BDP1: variants seen among roughly 807,000 people sequenced by gnomAD.
The protein encoded by BDP1 is BDP1 general transcription factor IIIB subunit.
Under a neutral mutation model 266.6 loss-of-function variants are expected in BDP1, and 169 were observed. The observed-to-expected ratio is 0.63, with a 90% confidence interval of 0.56 to 0.72. BDP1 has a LOEUF of 0.72. Among genes scored for constraint, BDP1 ranks in the 30% least tolerant of loss-of-function variants. BDP1 has a pLI of 0.00. For synonymous variants in BDP1, 1,090 were observed against 1,022.4 expected (o/e 1.07, Z -1.26); for missense variants, 3,015 against 3,053.8 (o/e 0.99, Z 0.30).
chr5:71,528,072 G>A (rs1766022933), intron 25 of BDP1, among the ~76,000 whole-genome samples: 1 of 151,908 alleles, frequency 6.6e-6, no homozygotes, highest in African/African-American at 2.4e-5. Context: ...CCATCTGCCT[G>A]GGCCTCCCAA....
At chr5:71,555,929 A>G (rs1743186996) in intron 35 of BDP1, among the ~76,000 whole-genome samples, 1 of 151,982 alleles carries the variant, frequency 6.6e-6, no homozygotes, top group African/African-American at 2.4e-5. Context: ...TTTGAATCAT[A>G]TTAACTTAGA....
chr5:71,529,019 G>A (rs1027423274), intron 25 of BDP1, among the ~76,000 whole-genome samples: 43 of 152,214 alleles, frequency 2.8e-4, no homozygotes, highest in African/African-American at 1.0e-3. Context: ...TAATTGACAA[G>A]GCTTTCCTTA....
Position 71,566,427 on chromosome 5 carries a change from T to G in BDP1, c.*1542T>G, listed in dbSNP as rs1744038118. ...TTTGTTTTAATTTCAAGATTTGATT[T>G]TTTATACGTGTAATTCTATTATCTA... is the stretch of plus-strand genomic sequence containing the variant. On this transcript the variant is annotated 3_prime_UTR_variant, in exon 39 of 39. Transcript: ENST00000358731. 1 of 152,248 alleles carries G rather than the reference T, an allele frequency of 6.6e-6. No individual in the cohort carries two copies. The highest frequency in any genetic ancestry group is 2.4e-5 in the African/African-American group (1 of 41,464). The allele number at this position is 152,248 out of a possible 1,614,324, so 9.4% of individuals were successfully genotyped here.
At chr5:71,519,243 A>C (rs148722416) in intron 22 of BDP1, among the ~76,000 whole-genome samples, 1 of 152,172 alleles carries the variant, frequency 6.6e-6, no homozygotes, top group Non-Finnish European at 1.5e-5. Flanking sequence ...ATTTTGATAC[A>C]TTATACACAA....
chr5:71,497,383 A>G lies in BDP1; in HGVS notation c.1913A>G (p.Glu638Gly). ...KKSVLSQGKTESESKNSHSKT... is the reference protein window; with the variant it reads ...KKSVLSQGKTGSESKNSHSKT... The stretch of plus-strand genomic sequence containing the variant: ...TCAGTTCTTTCACAAGGCAAAACAG[A>G]GTCAGAGAGCAAGAATTCACATTCA... The change falls in exon 13 of 39, where the codon GAG becomes GGG. Residue 638 changes from glutamate (E) to glycine (G), a missense_variant. Physicochemically the swap from Glu to Gly is moderately conservative, Grantham distance 98. This residue lies in a region of BDP1 where 2,383 missense variants were observed against 2,404.9 expected (regional missense o/e 0.99). Transcript: ENST00000358731. 1 of 1,613,546 alleles carries G rather than the reference A, an allele frequency of 6.2e-7. No homozygotes were observed. Among genetic ancestry groups the G allele is most frequent in the Non-Finnish European group, 8.5e-7 (1 of 1,179,800 alleles).
At chr5:71,513,054 C>A (rs1158176481) in intron 18 of BDP1, 131 bp from the exon 19 acceptor site, 2 of 601,524 alleles carry the variant, frequency 3.3e-6, no homozygotes, top group East Asian at 2.9e-5. Flanking sequence ...TAGAACAAGA[C>A]CCTGTCTCCA....
Position 71,524,156 on chromosome 5 carries a change from C to A in BDP1, c.5605C>A (p.Arg1869=). The change falls in exon 25 of 39, where the codon CGG becomes AGG. Residue 1869 remains arginine (R), a synonymous_variant. Transcript: ENST00000358731. ...RASKAMLVTL[R]ASQEEDDDAD... is the part of the protein sequence containing the mutation. ...TTCCAAGGCCATGCTGGTGACTCTT[C>A]GGGCTTCCCAGGAAGAAGATGATGA... 1 of 1,614,148 alleles carries A rather than the reference C, an allele frequency of 6.2e-7. No homozygotes were observed. Among genetic ancestry groups the A allele is most frequent in the South Asian group, 1.1e-5 (1 of 91,086 alleles).
rs1198191823 is a variant in BDP1, at chr5:71,456,076, G to T, written c.199G>T (p.Ala67Ser). The change falls in exon 1 of 39, where the codon GCT (alanine) becomes TCT (serine). Residue 67 changes from alanine (A) to serine (S), a missense_variant. By Grantham distance (99) the Ala-to-Ser change is moderately conservative. Transcript: ENST00000358731. ...DFGGAEPQEK[A>S]PRSSTEKTGG... ...CGGTGGAGCGGAGCCCCAAGAAAAG[G>T]CTCCTAGGAGCAGGTAAGAGGTTGC... 1 of 1,613,034 alleles carries T rather than the reference G, an allele frequency of 6.2e-7. No homozygotes were observed. Among genetic ancestry groups the T allele is most frequent in the East Asian group, 2.2e-5 (1 of 44,880 alleles).
chr5:71,458,483 G>T, intron 1 of BDP1, 96 bp from the exon 2 acceptor site: 2 of 844,044 alleles, frequency 2.4e-6, no homozygotes, highest in Non-Finnish European at 3.5e-6. Context: ...TTAATTACGA[G>T]ATTGCAGTTT....
intron 1 of BDP1, among the ~76,000 whole-genome samples, chr5:71,457,069 T>A (rs1163362850): frequency 6.6e-6 from 1 of 152,194 alleles, no homozygotes; most frequent in Non-Finnish European, 1.5e-5. Flanking sequence ...TCAAAATTTC[T>A]ACACAGAAAG....
chr5:71,514,095 A>T (rs925891125), intron 19 of BDP1, among the ~76,000 whole-genome samples: 6 of 152,144 alleles, frequency 3.9e-5, no homozygotes, highest in African/African-American at 1.4e-4. Flanking sequence ...GTTAAAGGTG[A>T]TATTTTATTT....
chr5:71,571,603 C>T (rs1326973027), downstream of BDP1, among the ~76,000 whole-genome samples: 1 of 150,372 alleles, frequency 6.7e-6, no homozygotes, highest in African/African-American at 2.4e-5. Context: ...ACACGGATTG[C>T]TGGGCCCCAA....
chr5:71,562,684 A>G (rs1743761538), intron 38 of BDP1, 164 bp downstream of exon 38: 1 of 1,486,690 alleles, frequency 6.7e-7, no homozygotes, highest in African/African-American at 1.4e-5. Context: ...GGAAGAAGAA[A>G]AGGTGTTGAG....
Position 71,560,204 on chromosome 5 carries a change from G to A in BDP1, c.7463G>A (p.Ser2488Asn). The A allele has an allele frequency of 6.2e-7, 1 of 1,614,118 alleles. No individual in the cohort carries two copies. Among genetic ancestry groups the A allele is most frequent in the Non-Finnish European group, 8.5e-7 (1 of 1,180,012 alleles). The stretch of plus-strand genomic sequence containing the variant: ...GCTCCTAAGTCTCAGCAAATGGATA[G>A]CAGAACATCGTCTTCTAAAGCCTCA... ...DAAPKSQQMD[S>N]RTSSSKASLS... is the part of the protein sequence containing the mutation. Residue 2488 changes from serine (S) to asparagine (N), a missense_variant, in exon 37 of 39, where the codon AGC (serine) becomes AAC (asparagine). Transcript: ENST00000358731.
chr5:71,481,262 C>T (rs1399284959), intron 7 of BDP1, among the ~76,000 whole-genome samples: 5 of 148,278 alleles, frequency 3.4e-5, no homozygotes, highest in East Asian at 2.0e-4. Context: ...TTTTTTAAAG[C>T]GCAGTGGGCC....
intron 1 of BDP1, among the ~76,000 whole-genome samples, chr5:71,456,405 A>G (rs998180226): frequency 5.9e-5 from 9 of 152,208 alleles, no homozygotes; most frequent in Non-Finnish European, 1.2e-4. Flanking sequence ...AGGTCACTAT[A>G]GTTTTCATCC....
intron 9 of BDP1, among the ~76,000 whole-genome samples, chr5:71,489,003 C>CA (rs1306965203): frequency 6.6e-6 from 1 of 152,206 alleles, no homozygotes; most frequent in Non-Finnish European, 1.5e-5. Context: ...CCACCATGCC[C>CA]AGCCTGTATT....
At chr5:71,476,796 C>T (rs1162132772) in intron 7 of BDP1, among the ~76,000 whole-genome samples, 13 of 152,102 alleles carry the variant, frequency 8.5e-5, no homozygotes, top group African/African-American at 2.7e-4. Context: ...CTCCGCCTCC[C>T]GGGTTCACAC....
intron 1 of BDP1, among the ~76,000 whole-genome samples, chr5:71,457,714 A>G (rs1707230402): frequency 6.6e-6 from 1 of 152,212 alleles, no homozygotes; most frequent in South Asian, 2.1e-4. Context: ...CAGATAATGC[A>G]TGTATCCATA....
Sources: allele counts gnomAD v4.1 joint callset (sites outside exome capture counted in the v4.1 genomes callset), GRCh38; gene constraint gnomAD v4.1.1; regional missense constraint gnomAD v4.1.1; transcripts MANE v1.5; gene names NCBI Gene and HGNC (gene_info 2026-07-23, HGNC 2026-07-21).